The following TLN2 variants were observed in gnomAD, a reference collection of about 807,000 sequenced individuals.
The protein encoded by TLN2 is talin 2.
In TLN2, 118 loss-of-function variants were observed where a neutral mutation model predicts 294.7. That is an observed-to-expected ratio of 0.40 (90% CI 0.34 to 0.47). The LOEUF is 0.47. Ranked by LOEUF, TLN2 falls within the 20% of genes least tolerant of loss-of-function variation. TLN2 has a pLI of 0.84. For missense variants in TLN2, 3,083 were observed against 3,282.2 expected (o/e 0.94, Z 1.48); for synonymous variants, 1,431 against 1,304.5 (o/e 1.10, Z -2.09).
rs189202710 is a variant in TLN2, at chr15:62,451,571, C to T, written c.-238+60886C>T. ...ACTCAGGAGGCGGAGGCAGGAGGAA[C>T]GCTTAAACCCAGAGGCGGAGGTTGC... On this transcript the variant is annotated intron_variant, in intron 1 of 58. Coordinates refer to ENST00000636159, the MANE Select transcript of TLN2 (RefSeq NM_015059.3). Among the ~76,000 whole-genome samples the T allele has an allele frequency of 3.6e-3, 553 of 152,232 alleles. 5 individuals are homozygous for T. Among genetic ancestry groups the T allele is most frequent in the Non-Finnish European group, 5.5e-3 (377 of 68,004 alleles).
intron 2 of TLN2, among the ~76,000 whole-genome samples, chr15:62,593,060 T>G (rs1238578015): frequency 1.3e-5 from 2 of 152,210 alleles, no homozygotes; most frequent in Admixed American, 1.3e-4. Context: ...CCACTGCTAT[T>G]TAGGGAGAAT....
chr15:62,565,444 G>C (rs540681696), intron 1 of TLN2, among the ~76,000 whole-genome samples: 3 of 152,256 alleles, frequency 2.0e-5, no homozygotes, highest in African/African-American at 7.2e-5. Context: ...CCAATAGAGG[G>C]ATTTAGGGGA....
At position 62,604,710 on chromosome 15, in the gene TLN2, T is replaced by TA. The variant is rs1404095121; in HGVS notation, c.-161-13639dup. 3.4e-5 allele frequency among the ~76,000 whole-genome samples: 5 copies of TA among 148,204 alleles called. No individual in the cohort carries two copies. The East Asian group carries it at 8.0e-4, about 24-fold the overall frequency. ...CTTCGTCTTCTTTTTTTTTTTTTTT[T>TA]AATTATTTGAGATTATGGAACTATT... On this transcript the variant is annotated intron_variant, in intron 2 of 58. Coordinates refer to ENST00000636159, the MANE Select transcript of TLN2 (RefSeq NM_015059.3).
rs2061570192 is a variant in TLN2 at position 62,745,666 on chromosome 15, C to T, written c.4026-2685C>T. ...TGCTACACACTGACTTTTAATGGGT[C>T]CCCAGGATTCCCTTGAGGGCTGTAT... On this transcript the variant is annotated intron_variant, in intron 32 of 58. Transcript: ENST00000636159. Among the ~76,000 whole-genome samples the T allele has an allele frequency of 2.0e-5, 3 of 152,216 alleles. No homozygotes were observed. In the South Asian group the frequency reaches 6.2e-4, roughly 32 times the overall value.
chr15:62,765,119 C>A (rs1386252254), intron 40 of TLN2, among the ~76,000 whole-genome samples: 2 of 151,582 alleles, frequency 1.3e-5, no homozygotes, highest in African/African-American at 4.9e-5. Flanking sequence ...CCTTTAATTG[C>A]ATGTGCTCCC....
At chr15:62,506,243 AGT>A (rs1279975579) in intron 1 of TLN2, among the ~76,000 whole-genome samples, 1 of 151,868 alleles carries the variant, frequency 6.6e-6, no homozygotes, top group African/African-American at 2.4e-5. Flanking sequence ...AGAGTGTGGC[AGT>A]GGTTATAGCA....
rs1367118220 is a variant in TLN2, at chr15:62,466,680, CT to C, written c.-238+75996del. Among the ~76,000 whole-genome samples, 3 of 152,350 alleles carry C rather than the reference CT, an allele frequency of 2.0e-5. No individual in the cohort carries two copies. The East Asian group carries it at 5.8e-4, about 29-fold the overall frequency. ...GCACAGCTGAGATATTTAGTATTTACTGTAGCCCTTCCAGTAGGTAACACTG... is the reference window on the plus strand; with the variant it reads ...GCACAGCTGAGATATTTAGTATTTACGTAGCCCTTCCAGTAGGTAACACTG... On this transcript the variant is annotated intron_variant, in intron 1 of 58. Coordinates refer to ENST00000636159, the MANE Select transcript of TLN2 (RefSeq NM_015059.3).
chr15:62,521,625 A>G (rs1020043376), intron 1 of TLN2, among the ~76,000 whole-genome samples: 1 of 152,304 alleles, frequency 6.6e-6, no homozygotes, highest in East Asian at 1.9e-4. Flanking sequence ...TTTGTTATGC[A>G]GGTGAAGCCT....
At chr15:62,590,141 G>A (rs2045967576) in intron 2 of TLN2, among the ~76,000 whole-genome samples, 1 of 152,132 alleles carries the variant, frequency 6.6e-6, no homozygotes, top group Non-Finnish European at 1.5e-5. Context: ...AATTAATGTA[G>A]AAACTTCTAG....
intron 1 of TLN2, among the ~76,000 whole-genome samples, chr15:62,496,738 A>G (rs749490876): frequency 6.6e-6 from 1 of 152,242 alleles, no homozygotes; most frequent in Non-Finnish European, 1.5e-5. Context: ...ACATCTGCAT[A>G]GATCCAATTT....
intron 9 of TLN2, among the ~76,000 whole-genome samples, chr15:62,673,031 T>C (rs991063303): frequency 6.6e-6 from 1 of 151,900 alleles, no homozygotes; most frequent in Non-Finnish European, 1.5e-5. Context: ...CCTAATTATA[T>C]GTAACATCCT....
chr15:62,482,041 C>T (rs1338656871), intron 1 of TLN2, among the ~76,000 whole-genome samples: 3 of 152,038 alleles, frequency 2.0e-5, no homozygotes, highest in Non-Finnish European at 4.4e-5. Context: ...AGACGATCCA[C>T]CTGCCTCAGC....
At chr15:62,525,124 A>G (rs966097388) in intron 1 of TLN2, among the ~76,000 whole-genome samples, 1 of 152,204 alleles carries the variant, frequency 6.6e-6, no homozygotes, top group Non-Finnish European at 1.5e-5. Flanking sequence ...GCCCAAGGTC[A>G]CACGATTCCT....
intron 57 of TLN2, 61 bp downstream of exon 57, chr15:62,836,134 G>A: frequency 1.3e-6 from 2 of 1,542,128 alleles, no homozygotes; most frequent in South Asian, 1.2e-5. Flanking sequence ...TGTCACCAGA[G>A]GGGACAAGCC....
intron 11 of TLN2, among the ~76,000 whole-genome samples, chr15:62,678,817 CA>C (rs1213976738): frequency 6.6e-6 from 1 of 152,096 alleles, no homozygotes; most frequent in Non-Finnish European, 1.5e-5. Flanking sequence ...GGCGATAGAG[CA>C]AGACTCTGCC....
chr15:62,629,023 C>T (rs549206878), intron 3 of TLN2, among the ~76,000 whole-genome samples: 2 of 151,900 alleles, frequency 1.3e-5, no homozygotes, highest in Admixed American at 1.3e-4. Context: ...GTAGTGAGAT[C>T]CTGTCTCTAA....
At chr15:62,596,014 G>A (rs2046471645) in intron 2 of TLN2, among the ~76,000 whole-genome samples, 1 of 152,214 alleles carries the variant, frequency 6.6e-6, no homozygotes, top group African/African-American at 2.4e-5. Context: ...GGTGGCTCAC[G>A]CCTGTAATCT....
chr15:62,623,346 G>A (rs760541540), intron 3 of TLN2, among the ~76,000 whole-genome samples: 27 of 152,104 alleles, frequency 1.8e-4, no homozygotes, highest in Non-Finnish European at 3.1e-4. Flanking sequence ...TTCTATTTTC[G>A]CTGAAAATCT....
chr15:62,424,251 C>T (rs749618942), intron 1 of TLN2, among the ~76,000 whole-genome samples: 97 of 152,282 alleles, frequency 6.4e-4, no homozygotes, highest in Non-Finnish European at 1.3e-3. Context: ...GGAGCCCACT[C>T]GTGTCATGAT....
Sources: allele counts gnomAD v4.1 joint callset (sites outside exome capture counted in the v4.1 genomes callset), GRCh38; gene constraint gnomAD v4.1.1; transcripts MANE v1.5; gene names NCBI Gene and HGNC (gene_info 2026-07-23, HGNC 2026-07-21).